CLVS1: variants seen among roughly 807,000 people sequenced by gnomAD.
CLVS1 encodes the protein clavesin-1.
In CLVS1, 10 loss-of-function variants were observed where a neutral mutation model predicts 33.1. That is an observed-to-expected ratio of 0.30 (90% CI 0.19 to 0.51). The LOEUF is 0.51. Among genes scored for constraint, CLVS1 ranks in the 20% least tolerant of loss-of-function variants. CLVS1 has a pLI of 0.97. For missense variants in CLVS1, 343 were observed against 433.4 expected, an observed-to-expected ratio of 0.79 and a Z score of 1.85; for synonymous variants, 163 against 166.1, an observed-to-expected ratio of 0.98 and a Z score of 0.14.
chr8:61,116,453 T>C (rs1805725914), intron 1 of CLVS1, among the ~76,000 whole-genome samples: 1 of 152,216 alleles, frequency 6.6e-6, no homozygotes, highest in South Asian at 2.1e-4. Context: ...CCCATGCCTA[T>C]GTTCTGAAAG....
the CLVS1 span, among the ~76,000 whole-genome samples, chr8:61,043,546 C>A: frequency 4.6e-5 from 7 of 152,216 alleles, no homozygotes; most frequent in Non-Finnish European, 8.8e-5. Flanking sequence ...TTATCACAGC[C>A]TCAAGTATGG....
intron 2 of CLVS1, among the ~76,000 whole-genome samples, chr8:61,348,901 T>A (rs930164097): frequency 4.6e-5 from 7 of 152,194 alleles, no homozygotes; most frequent in African/African-American, 1.7e-4. Flanking sequence ...TTCATATTTT[T>A]GATAATACTT....
intron 2 of CLVS1, among the ~76,000 whole-genome samples, chr8:61,183,116 G>A (rs551714441): frequency 1.2e-4 from 18 of 149,982 alleles, no homozygotes; most frequent in Non-Finnish European, 2.1e-4. Context: ...TGGGCACAGG[G>A]AGGGGAACAA....
the CLVS1 span, among the ~76,000 whole-genome samples, chr8:61,005,543 G>GC: frequency 9.9e-5 from 15 of 152,240 alleles, no homozygotes; most frequent in African/African-American, 3.6e-4. Flanking sequence ...AACTCCAGTG[G>GC]CCCTGCACGG....
At chr8:61,487,827 A>G (rs1226377659) in intron 5 of CLVS1, among the ~76,000 whole-genome samples, 1 of 152,214 alleles carries the variant, frequency 6.6e-6, no homozygotes, top group African/African-American at 2.4e-5. Flanking sequence ...TACCGGTAAC[A>G]CTAGCCATCC....
At chr8:61,139,185 C>T (rs1806253912) in intron 2 of CLVS1, among the ~76,000 whole-genome samples, 1 of 152,150 alleles carries the variant, frequency 6.6e-6, no homozygotes, top group Non-Finnish European at 1.5e-5. Flanking sequence ...CGCCTGGCGC[C>T]GCCGGTGGCG....
chr8:61,169,639 A>G (rs990899728), intron 2 of CLVS1, among the ~76,000 whole-genome samples: 3 of 152,200 alleles, frequency 2.0e-5, no homozygotes, highest in African/African-American at 7.2e-5. Context: ...ATTTTGTCCC[A>G]GGCCGTTGTC....
At chr8:61,254,581 C>A (rs866065051) in intron 2 of CLVS1, among the ~76,000 whole-genome samples, 1 of 152,282 alleles carries the variant, frequency 6.6e-6, no homozygotes, top group South Asian at 2.1e-4. Context: ...GTTTGAGCTT[C>A]CCAGCCACTT....
In CLVS1 at chr8:61,450,965, G is replaced by T. The variant is rs1376482097; in HGVS notation, c.631-3176G>T. 2.6e-5 allele frequency among the ~76,000 whole-genome samples: 4 copies of T among 152,144 alleles called. No homozygotes were observed. The East Asian group carries it at 7.7e-4, about 29-fold the overall frequency. On this transcript the variant is annotated intron_variant, in intron 3 of 5. Coordinates refer to ENST00000325897, the MANE Select transcript of CLVS1 (RefSeq NM_173519.3). Reference sequence around the variant, plus strand: ...GTCACTTTCGGAGCCAGCTTTAAGAGCTTAGGTATGATTCTTCCATGTGGT... The same window carrying T: ...GTCACTTTCGGAGCCAGCTTTAAGATCTTAGGTATGATTCTTCCATGTGGT...
intron 2 of CLVS1, among the ~76,000 whole-genome samples, chr8:61,224,991 G>A (rs1808297094): frequency 6.6e-6 from 1 of 152,148 alleles, no homozygotes; most frequent in South Asian, 2.1e-4. Flanking sequence ...TTTTACCAAA[G>A]TAATTTCATA....
intron 2 of CLVS1, among the ~76,000 whole-genome samples, chr8:61,174,707 G>A (rs183485386): frequency 6.6e-6 from 1 of 152,094 alleles, no homozygotes; most frequent in African/African-American, 2.4e-5. Context: ...ATGATTAAGG[G>A]TTCATTTATA....
chr8:61,265,525 A>G (rs539222356), intron 2 of CLVS1, among the ~76,000 whole-genome samples: 1 of 152,232 alleles, frequency 6.6e-6, no homozygotes, highest in African/African-American at 2.4e-5. Flanking sequence ...CACATCGTCA[A>G]TTCTATGAGA....
At chr8:61,020,760 C>T in the CLVS1 span, among the ~76,000 whole-genome samples, 2 of 152,238 alleles carry the variant, frequency 1.3e-5, no homozygotes, top group Admixed American at 1.3e-4. Flanking sequence ...TCTGTCACAT[C>T]AAAGGCACTT....
intron 5 of CLVS1, among the ~76,000 whole-genome samples, chr8:61,480,434 G>A (rs938569913): frequency 2.6e-5 from 4 of 152,244 alleles, no homozygotes; most frequent in African/African-American, 9.7e-5. Context: ...CATTGGAAAA[G>A]CGCAGTATTA....
intron 2 of CLVS1, among the ~76,000 whole-genome samples, chr8:61,237,820 A>G (rs991410840): frequency 2.7e-5 from 4 of 150,666 alleles, no homozygotes; most frequent in Non-Finnish European, 5.9e-5. Flanking sequence ...GTTTTCTCCA[A>G]ATCCACGGGG....
rs143628335 is a variant in CLVS1 at position 61,312,170 on chromosome 8, A to C, written c.455+11888A>C. ...AGAGCCGAGAAGGAAAGCCCCTGGC[A>C]CAAGCCCAAACTCCAACCCCCAATT... On this transcript the variant is annotated intron_variant, in intron 2 of 5. Coordinates refer to ENST00000325897, the MANE Select transcript of CLVS1 (RefSeq NM_173519.3). Among the ~76,000 whole-genome samples, 32 of 152,310 alleles carry C rather than the reference A, an allele frequency of 2.1e-4. No homozygotes were observed. The East Asian group carries it at 5.4e-3, about 26-fold the overall frequency.
chr8:61,087,573 C>T (rs1031720573), intron 1 of CLVS1, among the ~76,000 whole-genome samples: 2 of 152,162 alleles, frequency 1.3e-5, no homozygotes, highest in East Asian at 1.9e-4. Context: ...CATACTGTGA[C>T]GTGCCTGGTG....
intron 2 of CLVS1, among the ~76,000 whole-genome samples, chr8:61,169,336 G>A (rs939080338): frequency 2.0e-5 from 3 of 152,070 alleles, no homozygotes; most frequent in African/African-American, 7.2e-5. Context: ...ACAGGGAGAG[G>A]CTCTTTCTAA....
intron 3 of CLVS1, among the ~76,000 whole-genome samples, chr8:61,393,972 T>C (rs1465559490): frequency 6.6e-6 from 1 of 152,222 alleles, no homozygotes; most frequent in Non-Finnish European, 1.5e-5. Flanking sequence ...ATGCAATTTC[T>C]GCATTCCCAC....
Sources: gnomAD v4.1 joint callset for allele counts (sites outside exome capture counted in the v4.1 genomes callset) on GRCh38, gnomAD v4.1.1 for gene constraint, MANE v1.5 for transcripts, NCBI Gene and HGNC (gene_info 2026-07-23, HGNC 2026-07-21) for gene names.